SETDB1: variants seen among roughly 807,000 people sequenced by gnomAD.
SETDB1 encodes the protein SET domain bifurcated histone lysine methyltransferase 1.
In SETDB1, 31 loss-of-function variants were observed where a neutral mutation model predicts 137.4. That is an observed-to-expected ratio of 0.23 (90% CI 0.17 to 0.30). The LOEUF (loss-of-function observed/expected upper bound fraction) is 0.30, where lower values mean the gene tolerates loss of function less well. SETDB1 is among the 10% of genes least tolerant of loss of function. The pLI is 1.00. For synonymous variants in SETDB1, 548 were observed against 579.9 expected (o/e 0.95, Z 0.79); for missense variants, 1,113 against 1,631.5 (o/e 0.68, Z 5.47).
chr1:150,932,064 T>A (rs1476834640), intron 3 of SETDB1, among the ~76,000 whole-genome samples: 1 of 152,020 alleles, frequency 6.6e-6, no homozygotes, highest in Non-Finnish European at 1.5e-5. Context: ...TTTTTATATG[T>A]TGCTGGATTG....
In SETDB1 at chr1:150,950,618, A is replaced by G. The variant is rs746517169; in HGVS notation, c.1744A>G (p.Thr582Ala). 1.7e-4 allele frequency: 269 copies of G among 1,613,862 alleles called. No homozygotes were observed. The highest frequency in any genetic ancestry group is 1.8e-4 in the Non-Finnish European group (211 of 1,180,022). The change falls in exon 13 of 22, where the codon ACC (threonine) becomes GCC (alanine). Residue 582 changes from threonine to alanine, a missense_variant. Around this residue, in one of 11 missense-constraint regions of SETDB1, gnomAD observed 192 missense variants for 198.1 expected, o/e 0.97. Coordinates refer to ENST00000692827, the MANE Select transcript of SETDB1 (RefSeq NM_001366418.1). Reference protein sequence around the residue: ...LFYLPHVCSYTCLSRVRPMRN... With the variant: ...LFYLPHVCSYACLSRVRPMRN... ...CTACTTACCTCATGTCTGCAGCTAT[A>G]CCTGTCTGTCTCGAGTCAGACCTAT... is the stretch of plus-strand genomic sequence containing the variant.
At chr1:150,928,396 T>G (rs1328953686) in intron 2 of SETDB1, among the ~76,000 whole-genome samples, 1 of 152,236 alleles carries the variant, frequency 6.6e-6, no homozygotes, top group Non-Finnish European at 1.5e-5. Flanking sequence ...TGTCAGCAGC[T>G]AATACATGAT....
intron 15 of SETDB1, 140 bp from the exon 16 acceptor site, chr1:150,960,423 G>A: frequency 1.5e-6 from 1 of 683,590 alleles, no homozygotes; most frequent in Non-Finnish European, 2.4e-6. Flanking sequence ...GTTGCAGTGA[G>A]CCGAGATCGC....
chr1:150,962,518 T>C, intron 17 of SETDB1, 69 bp from the exon 18 acceptor site: 1 of 1,542,400 alleles, frequency 6.5e-7, no homozygotes, highest in South Asian at 1.1e-5. Context: ...CTGCCTTCTC[T>C]CAAACCTAGG....
Position 150,946,463 on chromosome 1 carries a change from G to C in SETDB1, c.1141-423G>C, listed in dbSNP as rs587685204. 4.0e-5 allele frequency among the ~76,000 whole-genome samples: 6 copies of C among 150,254 alleles called. No homozygotes were observed. The South Asian group carries it at 8.5e-4, about 21-fold the overall frequency. The stretch of plus-strand genomic sequence containing the variant: ...TAAGTAGATAAGGAATTTTTTTTTG[G>C]GGGGGATGGAGTTTCGCTCCTGTTG... On this transcript the variant is annotated intron_variant, in intron 9 of 21. Transcript: ENST00000692827.
chr1:150,959,606 A>T (rs111406945), intron 15 of SETDB1, among the ~76,000 whole-genome samples: 11 of 152,222 alleles, frequency 7.2e-5, no homozygotes, highest in East Asian at 1.9e-4. Flanking sequence ...ACATGATTAT[A>T]GAGTCCAGTG....
At chr1:150,962,887 T>C in intron 18 of SETDB1, 87 bp from the exon 19 acceptor site, 1 of 1,534,728 alleles carries the variant, frequency 6.5e-7, no homozygotes, top group East Asian at 2.3e-5. Flanking sequence ...GCCACCGCCC[T>C]TTCCTGCCAA....
In SETDB1 at chr1:150,950,953, C is replaced by T. The variant is rs1670475232; in HGVS notation, c.2079C>T (p.Ser693=). The change falls in exon 13 of 22, where the codon TCC becomes TCT. Residue 693 remains serine (S), a synonymous_variant. Transcript: ENST00000692827. ...ATGGGAAGGAAGATGTTCCCCTATC[C>T]TGTGTCAATGAGATTGACACAACCC... ...ITYGKEDVPL[S]CVNEIDTTPP... 6.2e-7 allele frequency: 1 copy of T among 1,614,020 alleles called. No individual in the cohort carries two copies.
chr1:150,944,446 G>C (rs1409961458), intron 8 of SETDB1, among the ~76,000 whole-genome samples: 1 of 152,176 alleles, frequency 6.6e-6, no homozygotes, highest in Non-Finnish European at 1.5e-5. Context: ...GACTCCTATG[G>C]AAACAATCAT....
At chr1:150,936,652 T>TATATA in intron 3 of SETDB1, among the ~76,000 whole-genome samples, 1 of 152,060 alleles carries the variant, frequency 6.6e-6, no homozygotes, top group African/African-American at 2.4e-5. Context: ...TGTAAGAGAG[T>TATATA]CACTAGTTCT....
At chr1:150,926,574 T>A (rs1447443491) in intron 1 of SETDB1, 57 bp downstream of exon 1, 3 of 388,068 alleles carry the variant, frequency 7.7e-6, no homozygotes, top group African/African-American at 6.4e-5. Flanking sequence ...GGACGTTTTG[T>A]TTGTGGGAGG....
At chr1:150,953,975 C>G (rs1243874979) in intron 14 of SETDB1, among the ~76,000 whole-genome samples, 1 of 151,978 alleles carries the variant, frequency 6.6e-6, no homozygotes. Flanking sequence ...CTGCCTCAGC[C>G]TCCCGAGAAG....
In SETDB1 at chr1:150,950,464, T is replaced by G; in HGVS notation, c.1590T>G (p.Pro530=). The G allele has an allele frequency of 6.3e-7, 1 of 1,594,178 alleles. No individual in the cohort carries two copies. Among genetic ancestry groups the G allele is most frequent in the African/African-American group, 1.3e-5 (1 of 74,316 alleles). Residue 530 remains proline (P), a synonymous_variant, in exon 13 of 22, where the codon CCT becomes CCG. Coordinates refer to ENST00000692827, the MANE Select transcript of SETDB1 (RefSeq NM_001366418.1). ...ACTTGCATCTCATTTGCAGATCACC[T>G]TTAGGCTCCACAGCCTCTGCCCCAG... ...KPGINQTYRS[P]LGSTASAPAP... is the part of the protein sequence containing the mutation.
At position 150,929,706 on chromosome 1, in the gene SETDB1, A is replaced by C. The variant is rs587626698; in HGVS notation, c.261-261A>C. On this transcript the variant is annotated intron_variant, in intron 2 of 21. Transcript: ENST00000692827. Reference sequence around the variant, plus strand: ...CAGGATACATTTTCAGATAACAGCAAGGTAAATAATGAGGTAAGGGTGAAA... The same window carrying C: ...CAGGATACATTTTCAGATAACAGCACGGTAAATAATGAGGTAAGGGTGAAA... Among the ~76,000 whole-genome samples, 8 of 152,260 alleles carry C rather than the reference A, an allele frequency of 5.3e-5. No homozygotes were observed. The East Asian group carries it at 1.5e-3, about 29-fold the overall frequency.
intron 3 of SETDB1, among the ~76,000 whole-genome samples, chr1:150,932,345 G>C (rs587637165): frequency 1.3e-5 from 2 of 152,112 alleles, no homozygotes; most frequent in African/African-American, 2.4e-5. Flanking sequence ...TATAGGCCTT[G>C]TAAATGAGTT....
intron 9 of SETDB1, among the ~76,000 whole-genome samples, chr1:150,946,646 C>T (rs974818141): frequency 3.3e-5 from 5 of 152,214 alleles, no homozygotes; most frequent in African/African-American, 9.6e-5. Context: ...CGGGGTTTCT[C>T]CATGTTGGTC....
rs751371356 is a variant in SETDB1, at chr1:150,962,604, G to A, written c.3179G>A (p.Arg1060Gln). 1.2e-5 allele frequency: 20 copies of A among 1,613,946 alleles called. No homozygotes were observed. The highest frequency in any genetic ancestry group is 2.2e-5 in the East Asian group (1 of 44,900). Reference protein sequence around the residue: ...NKMSVVTESSRNYGYNPSPVK... With the variant: ...NKMSVVTESSQNYGYNPSPVK... ...CCCATTAGAGTTACTGAAAGCTCTC[G>A]AAATTACGGTTACAATCCTTCTCCT... Residue 1060 changes from arginine (R) to glutamine (Q), a missense_variant, in exon 18 of 22, where the codon CGA becomes CAA. Arg to Gln is a conservative substitution (Grantham distance 43). Around this residue, in one of 11 missense-constraint regions of SETDB1, gnomAD observed 373 missense variants for 412.7 expected, o/e 0.90. Coordinates refer to ENST00000692827, the MANE Select transcript of SETDB1 (RefSeq NM_001366418.1).
At chr1:150,934,947 A>G (rs1669901236) in intron 3 of SETDB1, among the ~76,000 whole-genome samples, 1 of 151,830 alleles carries the variant, frequency 6.6e-6, no homozygotes, top group South Asian at 2.1e-4. Context: ...TCAGCCTCCC[A>G]AGTAGTTGGG....
At chr1:150,940,997 C>CAA (rs765844613) in intron 4 of SETDB1, among the ~76,000 whole-genome samples, 4 of 119,106 alleles carry the variant, frequency 3.4e-5, no homozygotes, top group Non-Finnish European at 3.5e-5. Flanking sequence ...GACTCCATCT[C>CAA]AAAAAAAAAA....
Sources: allele counts gnomAD v4.1 joint callset (sites outside exome capture counted in the v4.1 genomes callset), GRCh38; gene constraint gnomAD v4.1.1; regional missense constraint gnomAD v4.1.1; transcripts MANE v1.5; gene names NCBI Gene and HGNC (gene_info 2026-07-23, HGNC 2026-07-21).